The following PRKG1 variants were observed in gnomAD, a reference collection of about 807,000 sequenced individuals.
The protein encoded by PRKG1 is protein kinase cGMP-dependent 1.
Under a neutral mutation model 88.1 loss-of-function variants are expected in PRKG1, and 35 were observed. That is an observed-to-expected ratio of 0.40 (90% CI 0.30 to 0.53). The LOEUF (loss-of-function observed/expected upper bound fraction) is 0.53. Among genes scored for constraint, PRKG1 ranks in the 20% least tolerant of loss-of-function variants. The pLI, the probability that PRKG1 is intolerant of heterozygous loss-of-function variation, is 0.59. For missense variants in PRKG1, 540 were observed against 839.8 expected (o/e 0.64, Z 4.41); for synonymous variants, 303 against 292.5 (o/e 1.04, Z -0.37).
At chr10:51,178,291 G>A (rs1837251039) in intron 2 of PRKG1, among the ~76,000 whole-genome samples, 1 of 152,158 alleles carries the variant, frequency 6.6e-6, no homozygotes, top group South Asian at 2.1e-4. Context: ...TTGTAAATGA[G>A]GAACAATGCA....
At chr10:52,163,354 CATATT>C (rs1246546560) in intron 9 of PRKG1, among the ~76,000 whole-genome samples, 1 of 147,936 alleles carries the variant, frequency 6.8e-6, no homozygotes, top group African/African-American at 2.5e-5. Context: ...TAATTATAAT[CATATT>C]ATACAATATT....
At chr10:51,984,258 A>G (rs977215070) in intron 5 of PRKG1, among the ~76,000 whole-genome samples, 4 of 152,226 alleles carry the variant, frequency 2.6e-5, no homozygotes, top group African/African-American at 9.6e-5. Flanking sequence ...ACATTATGCA[A>G]TTCAAAATTC....
chr10:52,251,640 G>T lies in PRKG1; in HGVS notation c.1147G>T (p.Val383Phe). 2.5e-6 allele frequency: 4 copies of T among 1,613,516 alleles called. No individual in the cohort carries two copies. Among genetic ancestry groups the T allele is most frequent in the Non-Finnish European group, 3.4e-6 (4 of 1,179,584 alleles). ...TTTCAACATCATTGATACCCTTGGA[G>T]TTGGAGGTTTCGGACGAGTAGAACT... ...SDFNIIDTLG[V>F]GGFGRVELVQ... is the part of the protein sequence containing the mutation. Residue 383 changes from valine to phenylalanine, a missense_variant, in exon 10 of 18, where the codon GTT becomes TTT. Val to Phe is a conservative substitution (Grantham distance 50). This residue lies in a region of PRKG1 where 400 missense variants were observed against 562.7 expected (regional missense o/e 0.71). Transcript: ENST00000373980.
chr10:52,019,660 G>GC (rs1307486033), intron 5 of PRKG1, among the ~76,000 whole-genome samples: 1 of 152,152 alleles, frequency 6.6e-6, no homozygotes, highest in Non-Finnish European at 1.5e-5. Context: ...GGCAAATTCA[G>GC]CTCCCATGGA....
chr10:51,318,517 G>A (rs1298913625), intron 2 of PRKG1, among the ~76,000 whole-genome samples: 1 of 152,124 alleles, frequency 6.6e-6, no homozygotes, highest in Non-Finnish European at 1.5e-5. Flanking sequence ...ATAAGTATAT[G>A]GTAAAGACTT....
chr10:51,670,692 C>G (rs1286745468), intron 3 of PRKG1, among the ~76,000 whole-genome samples: 1 of 147,472 alleles, frequency 6.8e-6, no homozygotes, highest in Admixed American at 6.8e-5. Flanking sequence ...GCCGAGATCC[C>G]GCCACTGCAC....
At chr10:51,934,262 C>CA (rs1040603499) in intron 5 of PRKG1, among the ~76,000 whole-genome samples, 14 of 151,076 alleles carry the variant, frequency 9.3e-5, no homozygotes, top group African/African-American at 3.4e-4. Flanking sequence ...ATACCCCCCC[C>CA]CCAACACCGC....
intron 3 of PRKG1, among the ~76,000 whole-genome samples, chr10:51,725,588 T>C (rs1261922597): frequency 1.3e-5 from 2 of 151,980 alleles, no homozygotes; most frequent in African/African-American, 4.8e-5. Context: ...ATGCTTATGT[T>C]GGTGGATATG....
intron 7 of PRKG1, among the ~76,000 whole-genome samples, chr10:52,083,233 A>G (rs1589591458): frequency 6.6e-6 from 1 of 152,100 alleles, no homozygotes; most frequent in South Asian, 2.1e-4. Context: ...TGGGCCAGGT[A>G]CAACATCGTT....
At chr10:52,251,789 A>G in intron 10 of PRKG1, 123 bp downstream of exon 10, 1 of 821,882 alleles carries the variant, frequency 1.2e-6, no homozygotes, top group Non-Finnish European at 1.9e-6. Flanking sequence ...ATGATTCCTA[A>G]ATCAGTTCCA....
At chr10:51,759,289 C>T (rs769768677) in intron 3 of PRKG1, among the ~76,000 whole-genome samples, 13 of 151,446 alleles carry the variant, frequency 8.6e-5, no homozygotes, top group South Asian at 2.1e-4. Context: ...TTTTTTGAGA[C>T]GGAGTCTTGC....
chr10:51,528,669 G>A (rs1841942452), intron 3 of PRKG1, among the ~76,000 whole-genome samples: 1 of 151,590 alleles, frequency 6.6e-6, no homozygotes, highest in African/African-American at 2.4e-5. Context: ...TTTCTTCTCG[G>A]GGTGGGGGGA....
intron 1 of PRKG1, among the ~76,000 whole-genome samples, chr10:51,014,257 T>C (rs1389890014): frequency 6.6e-6 from 1 of 152,140 alleles, no homozygotes; most frequent in African/African-American, 2.4e-5. Flanking sequence ...GGCTCACTGA[T>C]TCCCGTTGAC....
chr10:51,915,250 C>A (rs1227394128), intron 5 of PRKG1, among the ~76,000 whole-genome samples: 1 of 152,196 alleles, frequency 6.6e-6, no homozygotes, highest in Non-Finnish European at 1.5e-5. Flanking sequence ...TCTAAATAGG[C>A]CTAGACTCTT....
chr10:51,591,736 C>G (rs962045697), intron 3 of PRKG1, among the ~76,000 whole-genome samples: 4 of 152,084 alleles, frequency 2.6e-5, no homozygotes, highest in Non-Finnish European at 4.4e-5. Flanking sequence ...ATGCACAGTT[C>G]CACCTAGAGT....
intron 2 of PRKG1, among the ~76,000 whole-genome samples, chr10:51,392,737 CG>C (rs1366719498): frequency 3.5e-5 from 5 of 142,546 alleles, no homozygotes; most frequent in African/African-American, 1.2e-4. Context: ...ACCTCCCGGA[CG>C]GGGCGGCTGG....
At chr10:51,468,072 T>C in intron 3 of PRKG1, 1 of 441,422 alleles carries the variant, frequency 2.3e-6, no homozygotes, top group Non-Finnish European at 4.1e-6. Flanking sequence ...AATCAATAAC[T>C]TCTCATAATT....
intron 3 of PRKG1, among the ~76,000 whole-genome samples, chr10:51,726,559 A>G (rs1322639982): frequency 6.6e-6 from 1 of 152,204 alleles, no homozygotes; most frequent in African/African-American, 2.4e-5. Flanking sequence ...CTGTCACGAT[A>G]TTTCAGATGA....
At chr10:51,650,795 T>C (rs1376814011) in intron 3 of PRKG1, among the ~76,000 whole-genome samples, 3 of 152,194 alleles carry the variant, frequency 2.0e-5, no homozygotes, top group African/African-American at 7.2e-5. Context: ...AGCACTTCCC[T>C]GAGATGTTAC....
Sources: gnomAD v4.1 joint callset for allele counts (sites outside exome capture counted in the v4.1 genomes callset) on GRCh38, gnomAD v4.1.1 for gene constraint, gnomAD v4.1.1 regional missense constraint, MANE v1.5 for transcripts, NCBI Gene and HGNC (gene_info 2026-07-23, HGNC 2026-07-21) for gene names.